TBL1XR1: variants seen among roughly 807,000 people sequenced by gnomAD.
TBL1XR1 encodes the protein TBL1X/Y related 1.
A neutral mutation model predicts 66.9 loss-of-function variants in TBL1XR1; 5 were observed. The ratio of observed to expected loss-of-function variants is 0.07; its 90% CI spans 0.04 to 0.16. The LOEUF is 0.16. Among genes scored for constraint, TBL1XR1 ranks in the 10% least tolerant of loss-of-function variants. The pLI, the probability that TBL1XR1 is intolerant of heterozygous loss-of-function variation, is 1.00. For missense variants in TBL1XR1, 238 were observed against 623.2 expected, an observed-to-expected ratio of 0.38 and a Z score of 6.58; for synonymous variants, 210 against 206.0, an observed-to-expected ratio of 1.02 and a Z score of -0.17.
At chr3:177,124,497 A>G (rs1316547970) in intron 1 of TBL1XR1, among the ~76,000 whole-genome samples, 1 of 152,148 alleles carries the variant, frequency 6.6e-6, no homozygotes, top group Admixed American at 6.5e-5. Flanking sequence ...TGATTCAAAT[A>G]TGTCTAACTA....
In TBL1XR1 at chr3:177,050,459, A is replaced by G. The variant is rs1275006709; in HGVS notation, c.560+19T>C. 6.2e-7 allele frequency: 1 copy of G among 1,612,224 alleles called. No homozygotes were observed. Among genetic ancestry groups the G allele is most frequent in the Middle Eastern group, 1.7e-4 (1 of 6,050 alleles). ...TAAGATATTTTTAAGTCATTTTAGT[A>G]TCACTTTGAGAAACATACCCTGATG... On this transcript the variant is annotated intron_variant, in intron 6 of 15. Coordinates refer to ENST00000457928, the MANE Select transcript of TBL1XR1 (RefSeq NM_024665.7).
At chr3:177,112,873 T>C (rs913925515) in intron 1 of TBL1XR1, among the ~76,000 whole-genome samples, 7 of 151,824 alleles carry the variant, frequency 4.6e-5, no homozygotes, top group Non-Finnish European at 1.0e-4. Context: ...CGTGGTACCA[T>C]GTGCCTGGAG....
intron 10 of TBL1XR1, among the ~76,000 whole-genome samples, chr3:177,045,338 T>C (rs905298738): frequency 6.6e-6 from 1 of 152,128 alleles, no homozygotes; most frequent in Non-Finnish European, 1.5e-5. Flanking sequence ...CTGGGTATCT[T>C]GTTCCAGTTT....
At chr3:177,035,867 G>A (rs1375775420) in intron 12 of TBL1XR1, among the ~76,000 whole-genome samples, 10 of 152,140 alleles carry the variant, frequency 6.6e-5, no homozygotes, top group Admixed American at 5.2e-4. Context: ...TTGCGACCAT[G>A]GCCCTATCCG....
At chr3:177,062,009 G>T (rs1560130360) in intron 3 of TBL1XR1, among the ~76,000 whole-genome samples, 1 of 152,160 alleles carries the variant, frequency 6.6e-6, no homozygotes, top group African/African-American at 2.4e-5. Context: ...ACCCTGTCCT[G>T]AGTTCACAGA....
At chr3:177,143,003 T>C (rs1051699389) in intron 1 of TBL1XR1, among the ~76,000 whole-genome samples, 3 of 151,820 alleles carry the variant, frequency 2.0e-5, no homozygotes, top group East Asian at 1.9e-4. Context: ...CGTTTTTGCA[T>C]GTTTGTGCTT....
At chr3:177,059,691 T>G (rs1718263155) in intron 3 of TBL1XR1, among the ~76,000 whole-genome samples, 1 of 152,200 alleles carries the variant, frequency 6.6e-6, no homozygotes, top group African/African-American at 2.4e-5. Flanking sequence ...ATCCTTCTTA[T>G]ATATCATCCT....
At chr3:177,138,665 G>A (rs1278530663) in intron 1 of TBL1XR1, among the ~76,000 whole-genome samples, 1 of 152,098 alleles carries the variant, frequency 6.6e-6, no homozygotes, top group Admixed American at 6.6e-5. Context: ...TAGCCAGGTT[G>A]GAGAGAGCAG....
chr3:177,156,518 T>C (rs201742707), intron 1 of TBL1XR1, among the ~76,000 whole-genome samples: 82 of 139,730 alleles, frequency 5.9e-4, no homozygotes, highest in Non-Finnish European at 1.1e-3. Context: ...TATATATACA[T>C]ACACACACAC....
intron 2 of TBL1XR1, among the ~76,000 whole-genome samples, chr3:177,089,146 C>G (rs1466781269): frequency 2.0e-5 from 3 of 152,140 alleles, no homozygotes; most frequent in African/African-American, 7.2e-5. Flanking sequence ...TAACAAAATA[C>G]AGCAGGGTGG....
intron 2 of TBL1XR1, among the ~76,000 whole-genome samples, chr3:177,095,218 G>C (rs900386529): frequency 1.3e-5 from 2 of 152,000 alleles, no homozygotes. Context: ...GGGGGAGAGG[G>C]GGGTGTTGGG....
intron 14 of TBL1XR1, among the ~76,000 whole-genome samples, chr3:177,030,331 C>T (rs1713798011): frequency 6.6e-6 from 1 of 151,330 alleles, no homozygotes. Flanking sequence ...ATATAATGCT[C>T]TGGAATAGTC....
chr3:177,025,562 A>G, intron 15 of TBL1XR1, 38 bp from the exon 16 acceptor site: 1 of 1,589,916 alleles, frequency 6.3e-7, no homozygotes, highest in Non-Finnish European at 8.6e-7. Flanking sequence ...TGTATTCAGA[A>G]TTTTATTGTA....
At chr3:177,113,726 C>T (rs1161305875) in intron 1 of TBL1XR1, among the ~76,000 whole-genome samples, 1 of 152,058 alleles carries the variant, frequency 6.6e-6, no homozygotes, top group African/African-American at 2.4e-5. Context: ...ATAGACATTT[C>T]TCAAAAGACA....
At chr3:177,091,160 T>C (rs1722796414) in intron 2 of TBL1XR1, 2 of 152,022 alleles carry the variant, frequency 1.3e-5, no homozygotes, top group East Asian at 1.9e-4. Context: ...CTTTAAAACG[T>C]AATACTTAGC....
chr3:177,045,282 C>A (rs1234107573), intron 10 of TBL1XR1, among the ~76,000 whole-genome samples: 1 of 152,060 alleles, frequency 6.6e-6, no homozygotes, highest in African/African-American at 2.4e-5. Flanking sequence ...TTTTTTCTAG[C>A]ACAACAAAAT....
intron 1 of TBL1XR1, among the ~76,000 whole-genome samples, chr3:177,132,147 C>A (rs984988698): frequency 3.3e-5 from 5 of 152,142 alleles, no homozygotes; most frequent in African/African-American, 9.7e-5. Flanking sequence ...TGGTTTGCAC[C>A]TGGTTTTCGT....
rs1171944972 is a variant in TBL1XR1, at chr3:177,020,066, TAGA to T, written c.*5429_*5431del. ...TAAAGGAGTTGGTATTAATTAAAAC[TAGA>T]AGGTGTCTAGTTGTTTTTCTTATAA... is the stretch of plus-strand genomic sequence containing the variant. On this transcript the variant is annotated 3_prime_UTR_variant, in exon 16 of 16. Coordinates refer to ENST00000457928, the MANE Select transcript of TBL1XR1 (RefSeq NM_024665.7). 1.3e-5 allele frequency: 2 copies of T among 151,766 alleles called. No homozygotes were observed. Among genetic ancestry groups the T allele is most frequent in the Non-Finnish European group, 2.9e-5 (2 of 67,936 alleles). 9.4% of individuals were successfully genotyped at this position (151,766 alleles called of 1,614,324 possible).
At chr3:177,172,065 T>A (rs558566257) in intron 1 of TBL1XR1, among the ~76,000 whole-genome samples, 1 of 151,588 alleles carries the variant, frequency 6.6e-6, no homozygotes, top group East Asian at 2.0e-4. Flanking sequence ...ATTGAGACCA[T>A]CCTGGCTAAC....
Sources: gnomAD v4.1 joint callset for allele counts (sites outside exome capture counted in the v4.1 genomes callset) on GRCh38, gnomAD v4.1.1 for gene constraint, MANE v1.5 for transcripts, NCBI Gene and HGNC (gene_info 2026-07-23, HGNC 2026-07-21) for gene names.